FARP2: variants seen among roughly 807,000 people sequenced by gnomAD.
FARP2 encodes FERM, ARH/RhoGEF and pleckstrin domain protein 2.
Under a neutral mutation model 130.5 loss-of-function variants are expected in FARP2, and 111 were observed. The ratio of observed to expected loss-of-function variants is 0.85; its 90% CI spans 0.73 to 1.00. The LOEUF (loss-of-function observed/expected upper bound fraction) is 1.00. FARP2 is among the 50% of genes least tolerant of loss of function. The probability of loss-of-function intolerance (pLI) is 0.00; values close to 1 mark genes in which losing one functional copy is unlikely to be tolerated. For synonymous variants in FARP2, 504 were observed against 516.9 expected, an observed-to-expected ratio of 0.98 and a Z score of 0.34; for missense variants, 1,385 against 1,346.3, an observed-to-expected ratio of 1.03 and a Z score of -0.45.
intron 8 of FARP2, among the ~76,000 whole-genome samples, chr2:241,424,814 T>G (rs183515353): frequency 1.2e-3 from 176 of 152,286 alleles, no homozygotes; most frequent in African/African-American, 4.0e-3. Context: ...GAGAATGCTA[T>G]AAACACCTCT....
Position 241,362,128 on chromosome 2 carries a change from C to G in FARP2, c.-25+5740C>G, listed in dbSNP as rs371446344. On this transcript the variant is annotated intron_variant, in intron 1 of 26. Coordinates refer to ENST00000264042, the MANE Select transcript of FARP2 (RefSeq NM_014808.4). ...GCCAGGCTGGTCTCAAACTCCTGAC[C>G]TCAAGTAAACCACCTGCCTCCGTCT... 6.6e-5 allele frequency among the ~76,000 whole-genome samples: 10 copies of G among 151,998 alleles called. 1 individual carries two copies. Among genetic ancestry groups the G allele is most frequent in the Admixed American group, 6.6e-4 (10 of 15,266 alleles).
At chr2:241,437,588 C>G (rs959686802) in intron 12 of FARP2, among the ~76,000 whole-genome samples, 4 of 151,996 alleles carry the variant, frequency 2.6e-5, no homozygotes, top group Non-Finnish European at 4.4e-5. Context: ...TCCTCAGCCT[C>G]CCAAGTAGCT....
rs2065007510 is a variant in FARP2, at chr2:241,493,509, A to G, written c.3047+65A>G. On this transcript the variant is annotated intron_variant, in intron 26 of 26. Coordinates refer to ENST00000264042, the MANE Select transcript of FARP2 (RefSeq NM_014808.4). The stretch of plus-strand genomic sequence containing the variant: ...CGATGTCCGCTCAGCTCCCATTTCT[A>G]CTCATGGTGGTGGAGGCAAGTTTTC... 4.0e-6 allele frequency: 6 copies of G among 1,518,954 alleles called. No individual in the cohort carries two copies. The African/African-American group carries it at 6.9e-5, about 17-fold the overall frequency. 94.1% of individuals were successfully genotyped at this position (1,518,954 alleles called of 1,614,324 possible).
chr2:241,378,058 G>A (rs918131029), intron 2 of FARP2, among the ~76,000 whole-genome samples: 1 of 151,960 alleles, frequency 6.6e-6, no homozygotes, highest in Non-Finnish European at 1.5e-5. Context: ...TAGTAGGTGT[G>A]TAGTAGTATC....
At chr2:241,462,417 G>A (rs4675951) in intron 14 of FARP2, 106 bp from the exon 15 acceptor site, 28,689 of 723,128 alleles carry the variant, frequency 0.04, 3,123 homozygotes, top group Admixed American at 0.28. Flanking sequence ...CCATGACGAT[G>A]TTACCTTGAG....
chr2:241,357,896 A>G (rs1291823028), intron 1 of FARP2, among the ~76,000 whole-genome samples: 1 of 152,224 alleles, frequency 6.6e-6, no homozygotes, highest in Non-Finnish European at 1.5e-5. Flanking sequence ...TATTCAAAAA[A>G]TGAGTTTAAA....
chr2:241,367,337 A>G (rs2061339832), intron 1 of FARP2, among the ~76,000 whole-genome samples: 1 of 152,140 alleles, frequency 6.6e-6, no homozygotes, highest in Non-Finnish European at 1.5e-5. Context: ...ATTTCTCATT[A>G]GCAGTTTGAA....
intron 1 of FARP2, among the ~76,000 whole-genome samples, chr2:241,357,099 G>T (rs181550870): frequency 6.6e-6 from 1 of 152,326 alleles, no homozygotes; most frequent in Admixed American, 6.5e-5. Context: ...GCCATTAATG[G>T]ATGTGAAAAG....
chr2:241,442,466 C>T (rs1361222852), intron 13 of FARP2: 1 of 456,520 alleles, frequency 2.2e-6, no homozygotes, highest in Non-Finnish European at 4.4e-6. Context: ...GAAAGAGTCC[C>T]TTTTGATTTA....
At position 241,436,416 on chromosome 2, in the gene FARP2, G is replaced by C. The variant is rs1224416802; in HGVS notation, c.1101-65G>C. 4 of 1,439,664 alleles carry C rather than the reference G, an allele frequency of 2.8e-6. No individual in the cohort carries two copies. In the Admixed American group the frequency reaches 5.0e-5, roughly 18 times the overall value. The allele number at this position is 1,439,664 out of a possible 1,614,324, so 89.2% of individuals were successfully genotyped here. A position where few individuals can be genotyped will look rare whatever the true frequency, so the allele number is the denominator to read the frequency against. ...TTCATGGATACAGTACATGCTTGCT[G>C]CTTTAAAAACAGGCGCTGAGAAGGG... is the stretch of plus-strand genomic sequence containing the variant. On this transcript the variant is annotated intron_variant, in intron 11 of 26. Transcript: ENST00000264042.
chr2:241,434,922 C>A, intron 10 of FARP2, 40 bp from the exon 11 acceptor site: 1 of 1,184,490 alleles, frequency 8.4e-7, no homozygotes. Flanking sequence ...TTAATGCTGA[C>A]TTACTGTTCT....
chr2:241,463,934 A>G lies in FARP2; in HGVS notation c.1847A>G (p.His616Arg), dbSNP rs758340742. The change falls in exon 17 of 27, where the codon CAT becomes CGT. Residue 616 changes from histidine (H) to arginine (R), a missense_variant. Transcript: ENST00000264042. ...GPSKAHTKGS[H>R]QRIGDILLRN... ...TCCAAAGCCCACACAAAAGGCAGTC[A>G]TCAACGAATCGGGGACATCCTGCTC... is the stretch of plus-strand genomic sequence containing the variant. The G allele has an allele frequency of 1.9e-6, 3 of 1,614,168 alleles. No individual in the cohort carries two copies. Among genetic ancestry groups the G allele is most frequent in the South Asian group, 2.2e-5 (2 of 91,074 alleles).
intron 14 of FARP2, among the ~76,000 whole-genome samples, chr2:241,458,680 A>C (rs2063931990): frequency 6.6e-6 from 1 of 150,484 alleles, no homozygotes; most frequent in African/African-American, 2.4e-5. Context: ...TTTCTTTGGT[A>C]CAAAAAAAAA....
At chr2:241,398,091 A>G (rs2150339477) in intron 2 of FARP2, among the ~76,000 whole-genome samples, 2 of 152,236 alleles carry the variant, frequency 1.3e-5, no homozygotes, top group South Asian at 4.1e-4. Flanking sequence ...TCGGCCTCCC[A>G]AAGTGCTGGG....
chr2:241,362,796 T>C (rs955977515), intron 1 of FARP2, among the ~76,000 whole-genome samples: 3 of 152,146 alleles, frequency 2.0e-5, no homozygotes, highest in Non-Finnish European at 2.9e-5. Flanking sequence ...CCATCTGACT[T>C]CAAAGATAAT....
chr2:241,387,790 CA>C (rs200728771), intron 2 of FARP2, among the ~76,000 whole-genome samples: 33,260 of 93,948 alleles, frequency 0.35, 2,522 homozygotes, highest in East Asian at 0.55. Flanking sequence ...GAGACTGTCT[CA>C]AAAAAAAAAA....
intron 8 of FARP2, among the ~76,000 whole-genome samples, chr2:241,418,381 C>T (rs1245419012): frequency 6.6e-6 from 1 of 152,168 alleles, no homozygotes; most frequent in Non-Finnish European, 1.5e-5. Context: ...TTCCCCACTG[C>T]CTCCTGCCCC....
chr2:241,483,475 G>A lies in FARP2; in HGVS notation c.2273G>A (p.Arg758His), dbSNP rs144542827. 1.7e-4 allele frequency: 268 copies of A among 1,614,052 alleles called. No homozygotes were observed. Among genetic ancestry groups the A allele is most frequent in the Admixed American group, 2.2e-4 (13 of 60,016 alleles). Residue 758 changes from arginine (R) to histidine (H), a missense_variant, in exon 20 of 27, where the codon CGT becomes CAT. Arg to His is a conservative substitution (Grantham distance 29). Coordinates refer to ENST00000264042, the MANE Select transcript of FARP2 (RefSeq NM_014808.4). The part of the protein sequence containing the change: ...NLIAPGREFI[R>H]EGCLHKLTKK... Reference sequence around the variant, plus strand: ...GTCTCTGTCTTTCAGGAGTTCATCCGTGAGGGCTGCCTTCACAAGCTCACC... The same window carrying A: ...GTCTCTGTCTTTCAGGAGTTCATCCATGAGGGCTGCCTTCACAAGCTCACC...
intron 9 of FARP2, among the ~76,000 whole-genome samples, chr2:241,432,435 G>A (rs930490131): frequency 4.6e-5 from 7 of 152,188 alleles, no homozygotes; most frequent in African/African-American, 1.7e-4. Context: ...GGTTATTGCA[G>A]CCTCTTTGTT....
Sources: gnomAD v4.1 joint callset for allele counts (sites outside exome capture counted in the v4.1 genomes callset) on GRCh38, gnomAD v4.1.1 for gene constraint, MANE v1.5 for transcripts, NCBI Gene and HGNC (gene_info 2026-07-23, HGNC 2026-07-21) for gene names.